Variants in LY6S observed in about 807,000 individuals in gnomAD.
LY6S encodes the protein lymphocyte antigen 6S.
At chr8:143,070,463 TAATATATATATAAATATA>T in the LY6S span, among the ~76,000 whole-genome samples, 2 of 39,268 alleles carry the variant, frequency 5.1e-5, no homozygotes, top group African/African-American at 1.7e-4. Flanking sequence ...TATATATATA[TAATATATATATAAATATA>T]TATATATATT....
the LY6S span, chr8:143,066,078 T>C: frequency 4.8e-6 from 2 of 412,758 alleles, no homozygotes; most frequent in Admixed American, 5.5e-5. Flanking sequence ...GGGAAGCACA[T>C]AGGCATCGAA....
At chr8:143,063,351 T>A in the LY6S span, among the ~76,000 whole-genome samples, 5 of 152,336 alleles carry the variant, frequency 3.3e-5, no homozygotes, top group South Asian at 2.1e-4. Flanking sequence ...ACGGTTTGAT[T>A]TTTCCTTTCC....
the LY6S span, chr8:143,057,897 T>C: frequency 6.4e-6 from 4 of 627,224 alleles, no homozygotes; most frequent in African/African-American, 1.8e-5. Flanking sequence ...AACCAGCCCA[T>C]GCGCAACCAG....
At chr8:143,069,867 G>A in the LY6S span, among the ~76,000 whole-genome samples, 7 of 152,220 alleles carry the variant, frequency 4.6e-5, no homozygotes, top group African/African-American at 1.7e-4. Flanking sequence ...CCTTTCCTGA[G>A]GACAAAATAC....
At chr8:143,052,153 C>T in the LY6S span, among the ~76,000 whole-genome samples, 20 of 151,124 alleles carry the variant, frequency 1.3e-4, no homozygotes, top group East Asian at 9.7e-4. Context: ...TGGTGGCGGG[C>T]GCCTGTAGTC....
the LY6S span, among the ~76,000 whole-genome samples, chr8:143,046,285 C>A: frequency 6.6e-6 from 1 of 152,098 alleles, no homozygotes; most frequent in Non-Finnish European, 1.5e-5. Context: ...AAGATTATAA[C>A]AATGAGAGGA....
chr8:143,042,064 C>T, the LY6S span, among the ~76,000 whole-genome samples: 1 of 20,068 alleles, frequency 5.0e-5, no homozygotes, highest in Admixed American at 5.6e-4. Context: ...CAGGCTGAGA[C>T]GGCCGTCCAC....
the LY6S span, among the ~76,000 whole-genome samples, chr8:143,058,794 G>C: frequency 1.7e-5 from 2 of 118,372 alleles, no homozygotes; most frequent in Non-Finnish European, 3.7e-5. Flanking sequence ...GGCAACCGGC[G>C]TCTTCCCAGA....
the LY6S span, among the ~76,000 whole-genome samples, chr8:143,055,742 A>T: frequency 2.6e-5 from 4 of 152,220 alleles, no homozygotes; most frequent in Non-Finnish European, 5.9e-5. Context: ...GCCGTGAAAG[A>T]CGCCATCGGG....
At chr8:143,048,994 T>G in the LY6S span, among the ~76,000 whole-genome samples, 3 of 152,110 alleles carry the variant, frequency 2.0e-5, no homozygotes. Context: ...GATGAGACGT[T>G]GGGCCCCCCA....
chr8:143,043,827 C>G, the LY6S span, among the ~76,000 whole-genome samples: 1 of 152,266 alleles, frequency 6.6e-6, no homozygotes, highest in South Asian at 2.1e-4. Flanking sequence ...AGGCATGCCC[C>G]ACCAGGCCCG....
the LY6S span, among the ~76,000 whole-genome samples, chr8:143,067,685 C>T: frequency 2.8e-4 from 43 of 152,288 alleles, no homozygotes; most frequent in African/African-American, 9.6e-4. Flanking sequence ...TGTGGCAGGA[C>T]AACAGGGTGA....
the LY6S span, among the ~76,000 whole-genome samples, chr8:143,070,476 A>ATATATATATATATAATATATATATAAT: frequency 1.1e-3 from 87 of 76,892 alleles, 4 homozygotes; most frequent in East Asian, 3.1e-3. Flanking sequence ...TATATATATA[A>ATATATATATATATAATATATATATAAT]ATATATATAT....
chr8:143,060,646 G>T, the LY6S span, among the ~76,000 whole-genome samples: 26 of 152,258 alleles, frequency 1.7e-4, no homozygotes, highest in African/African-American at 6.3e-4. Context: ...TAACGGCACG[G>T]CCAGGCATTC....
At chr8:143,060,639 C>T in the LY6S span, among the ~76,000 whole-genome samples, 14 of 152,288 alleles carry the variant, frequency 9.2e-5, no homozygotes, top group African/African-American at 3.4e-4. Flanking sequence ...CAATAAATAA[C>T]GGCACGGCCA....
chr8:143,057,185 TA>T, the LY6S span: 1 of 338,198 alleles, frequency 3.0e-6, no homozygotes, highest in South Asian at 3.5e-5. Context: ...TTTTTTCTGG[TA>T]ATATTCCGGG....
At chr8:143,050,406 C>T in the LY6S span, among the ~76,000 whole-genome samples, 1 of 151,998 alleles carries the variant, frequency 6.6e-6, no homozygotes, top group African/African-American at 2.4e-5. Context: ...GTCACAAACT[C>T]CTGACCTAAA....
the LY6S span, among the ~76,000 whole-genome samples, chr8:143,050,176 CTTTTTTT>C: frequency 2.0e-4 from 23 of 114,868 alleles, no homozygotes; most frequent in Admixed American, 2.8e-4. Flanking sequence ...CAAAACCTGA[CTTTTTTT>C]TTTTTTTTTT....
chr8:143,072,927 GTT>G, the LY6S span, among the ~76,000 whole-genome samples: 19 of 87,588 alleles, frequency 2.2e-4, no homozygotes, highest in African/African-American at 7.6e-4. Context: ...CATCCCCGGG[GTT>G]CCTGTTTGAG....
Sources: gnomAD v4.1 joint callset for allele counts (sites outside exome capture counted in the v4.1 genomes callset) on GRCh38, gnomAD v4.1.1 for gene constraint, MANE v1.5 for transcripts, NCBI Gene and HGNC (gene_info 2026-07-23, HGNC 2026-07-21) for gene names.